SV2C: variants seen among roughly 807,000 people sequenced by gnomAD.
SV2C encodes synaptic vesicle glycoprotein 2C.
SV2C carries 49 observed loss-of-function variants against 79.7 expected under a neutral mutation model. That is an observed-to-expected ratio of 0.61 (90% CI 0.49 to 0.78). The LOEUF is 0.78. Among genes scored for constraint, SV2C ranks in the 30% least tolerant of loss-of-function variants. The probability of loss-of-function intolerance (pLI) is 0.00; values close to 1 mark genes in which losing one functional copy is unlikely to be tolerated. For missense variants in SV2C, 833 were observed against 912.9 expected (o/e 0.91, Z 1.13); for synonymous variants, 334 against 333.2 (o/e 1.00, Z -0.03).
the SV2C span, among the ~76,000 whole-genome samples, chr5:76,069,827 C>T: frequency 6.8e-6 from 1 of 147,700 alleles, no homozygotes; most frequent in Non-Finnish European, 1.5e-5. Flanking sequence ...TTCTCTCTCT[C>T]TCTCTCTCAC....
chr5:75,868,844 T>C, the SV2C span, among the ~76,000 whole-genome samples: 1 of 152,174 alleles, frequency 6.6e-6, no homozygotes, highest in Non-Finnish European at 1.5e-5. Flanking sequence ...AAATATGTCC[T>C]CTGACCAGCA....
the SV2C span, among the ~76,000 whole-genome samples, chr5:75,980,678 C>T: frequency 1.3e-5 from 2 of 152,104 alleles, no homozygotes; most frequent in Non-Finnish European, 2.9e-5. Flanking sequence ...ATGTTAAAAA[C>T]TTGCAATAAA....
chr5:76,285,603 T>C (rs1412517107), intron 5 of SV2C, 178 bp from the exon 6 acceptor site: 6 of 616,820 alleles, frequency 9.7e-6, no homozygotes, highest in Non-Finnish European at 1.7e-5. Context: ...AACCATATTA[T>C]TTGAACTGCT....
At chr5:76,297,056 G>T (rs1176954500) in intron 9 of SV2C, among the ~76,000 whole-genome samples, 1 of 152,104 alleles carries the variant, frequency 6.6e-6, no homozygotes, top group Non-Finnish European at 1.5e-5. Context: ...ATATGTTAAA[G>T]TTCTAAACTG....
intron 4 of SV2C, among the ~76,000 whole-genome samples, chr5:76,243,532 G>A (rs1040923038): frequency 2.0e-5 from 3 of 152,084 alleles, no homozygotes; most frequent in Non-Finnish European, 2.9e-5. Flanking sequence ...TCAATTTGTA[G>A]TAAAATACAC....
intron 4 of SV2C, among the ~76,000 whole-genome samples, chr5:76,262,341 G>T (rs998392478): frequency 6.6e-6 from 1 of 151,582 alleles, no homozygotes; most frequent in Non-Finnish European, 1.5e-5. Flanking sequence ...TTCTTTATTA[G>T]CCTGGCTAGC....
At chr5:76,155,532 TG>T (rs1206826086) in intron 2 of SV2C, among the ~76,000 whole-genome samples, 4 of 152,318 alleles carry the variant, frequency 2.6e-5, no homozygotes, top group African/African-American at 9.6e-5. Context: ...CTCAGCAACC[TG>T]TTTTTGAGAC....
At chr5:76,083,886 A>C (rs1361579741) in intron 1 of SV2C, 1 of 152,248 alleles carries the variant, frequency 6.6e-6, no homozygotes, top group African/African-American at 2.4e-5. Flanking sequence ...TTTGACCGGC[A>C]GGGATAGGCA....
intron 2 of SV2C, among the ~76,000 whole-genome samples, chr5:76,146,794 TTTTAAAAAAAA>T (rs1749440184): frequency 1.2e-5 from 1 of 81,224 alleles, no homozygotes; most frequent in Admixed American, 1.3e-4. Flanking sequence ...ATGAGTTTTT[TTTTAAAAAAAA>T]AAAAAAAAAA....
At chr5:76,012,722 GT>G in the SV2C span, among the ~76,000 whole-genome samples, 1 of 152,110 alleles carries the variant, frequency 6.6e-6, no homozygotes, top group Admixed American at 6.6e-5. Flanking sequence ...TTTCTTCGGG[GT>G]TTTTACTGTT....
At chr5:76,252,844 C>G (rs1746155085) in intron 4 of SV2C, among the ~76,000 whole-genome samples, 1 of 152,178 alleles carries the variant, frequency 6.6e-6, no homozygotes, top group Non-Finnish European at 1.5e-5. Flanking sequence ...TAATGACAAA[C>G]TCTGTCTCAT....
chr5:76,311,908 G>A (rs1245982460), intron 12 of SV2C, among the ~76,000 whole-genome samples: 1 of 152,162 alleles, frequency 6.6e-6, no homozygotes, highest in African/African-American at 2.4e-5. Flanking sequence ...TTTGGGTTTA[G>A]TCTGTGCTGG....
chr5:76,272,851 T>C (rs912942984), intron 4 of SV2C, among the ~76,000 whole-genome samples: 1 of 152,176 alleles, frequency 6.6e-6, no homozygotes, highest in Non-Finnish European at 1.5e-5. Context: ...ATCAGCATAA[T>C]TGATTTGTTA....
chr5:76,254,547 C>T (rs1204316701), intron 4 of SV2C, among the ~76,000 whole-genome samples: 1 of 152,086 alleles, frequency 6.6e-6, no homozygotes, highest in African/African-American at 2.4e-5. Flanking sequence ...TGGAAGGTAA[C>T]ATCTGACATA....
the SV2C span, among the ~76,000 whole-genome samples, chr5:76,025,519 G>A: frequency 1.3e-5 from 2 of 152,102 alleles, no homozygotes; most frequent in Non-Finnish European, 2.9e-5. Flanking sequence ...TAAGAGAGTG[G>A]ATGTAGTAGG....
At chr5:76,103,149 T>C (rs1376707816) in intron 1 of SV2C, among the ~76,000 whole-genome samples, 2 of 152,166 alleles carry the variant, frequency 1.3e-5, no homozygotes, top group African/African-American at 4.8e-5. Context: ...TAGTATTTTG[T>C]TTAATGGGTC....
At chr5:75,938,675 C>T in the SV2C span, among the ~76,000 whole-genome samples, 1 of 152,082 alleles carries the variant, frequency 6.6e-6, no homozygotes, top group Admixed American at 6.6e-5. Flanking sequence ...GTAGCGGGGT[C>T]TGGGGCACTG....
chr5:76,278,904 C>T (rs1057096858), intron 4 of SV2C, among the ~76,000 whole-genome samples: 5 of 152,256 alleles, frequency 3.3e-5, no homozygotes, highest in African/African-American at 1.2e-4. Context: ...CCAAGAGTGA[C>T]AGGGAGACCA....
At chr5:75,908,896 T>C in the SV2C span, among the ~76,000 whole-genome samples, 2,354 of 152,278 alleles carry the variant, frequency 0.015, 47 homozygotes, top group African/African-American at 0.051. Flanking sequence ...GTAGTTGCCT[T>C]ATTTTGCATT....
Sources: allele counts gnomAD v4.1 joint callset (sites outside exome capture counted in the v4.1 genomes callset), GRCh38; gene constraint gnomAD v4.1.1; transcripts MANE v1.5; gene names NCBI Gene and HGNC (gene_info 2026-07-23, HGNC 2026-07-21).